ZMYND8: variants seen among roughly 807,000 people sequenced by gnomAD.
ZMYND8 encodes zinc finger MYND-type containing 8, also known as MYND-type zinc finger-containing chromatin reader ZMYND8.
A neutral mutation model predicts 140.8 loss-of-function variants in ZMYND8; 37 were observed. The ratio of observed to expected loss-of-function variants is 0.26; its 90% CI spans 0.20 to 0.35. The LOEUF is 0.35. Ranked by LOEUF, ZMYND8 falls within the 10% of genes least tolerant of loss-of-function variation. ZMYND8 has a pLI of 1.00. For missense variants in ZMYND8, 1,068 were observed against 1,570.0 expected (o/e 0.68, Z 5.40); for synonymous variants, 592 against 597.1 (o/e 0.99, Z 0.12).
At chr20:47,224,629 G>T in intron 18 of ZMYND8, 73 bp from the exon 19 acceptor site, 6 of 1,588,554 alleles carry the variant, frequency 3.8e-6, no homozygotes, top group African/African-American at 1.3e-5. Flanking sequence ...CCTGCCCCCA[G>T]ATTCAGGCAG....
chr20:47,214,154 C>T (rs1020762289), intron 21 of ZMYND8, among the ~76,000 whole-genome samples: 9 of 152,210 alleles, frequency 5.9e-5, no homozygotes, highest in African/African-American at 1.7e-4. Flanking sequence ...AGATATGTCA[C>T]GTGCGCTGTC....
intron 12 of ZMYND8, among the ~76,000 whole-genome samples, chr20:47,254,772 G>A (rs927974020): frequency 2.0e-5 from 3 of 152,154 alleles, no homozygotes; most frequent in African/African-American, 7.2e-5. Flanking sequence ...AGGATGTTCA[G>A]CAGCACCCTG....
chr20:47,234,702 TAAA>T (rs748680562), intron 16 of ZMYND8, among the ~76,000 whole-genome samples: 2 of 151,574 alleles, frequency 1.3e-5, no homozygotes, highest in Non-Finnish European at 1.5e-5. Context: ...ACAGAAGAAA[TAAA>T]AAGAAACATG....
At chr20:47,345,718 A>C (rs2082275888) in intron 2 of ZMYND8, among the ~76,000 whole-genome samples, 1 of 151,848 alleles carries the variant, frequency 6.6e-6, no homozygotes, top group South Asian at 2.1e-4. Context: ...CGTGTTGCCC[A>C]GGCTGGTCTC....
In ZMYND8 at chr20:47,239,116, G is replaced by C. The variant is rs760254796; in HGVS notation, c.2307C>G (p.Ser769=). The change falls in exon 15 of 23, where the codon TCC becomes TCG. Residue 769 remains serine (S), a synonymous_variant. Coordinates refer to ENST00000471951, the MANE Select transcript of ZMYND8 (RefSeq NM_001281775.3). ...KQDVVGKTPP[S]TTVGSHSPPE... ...GGGGAGAATGGCTGCCCACCGTCGTGGATGGTGGAGTTTTACCTACAACTA... is the reference window on the plus strand; with the variant it reads ...GGGGAGAATGGCTGCCCACCGTCGTCGATGGTGGAGTTTTACCTACAACTA... 1.3e-6 allele frequency: 2 copies of C among 1,503,272 alleles called. No homozygotes were observed. Among genetic ancestry groups the C allele is most frequent in the Admixed American group, 2.3e-5 (1 of 44,422 alleles). The allele number at this position is 1,503,272 out of a possible 1,614,324, so 93.1% of individuals were successfully genotyped here.
At chr20:47,257,897 A>C (rs570581768) in intron 12 of ZMYND8, among the ~76,000 whole-genome samples, 1 of 152,100 alleles carries the variant, frequency 6.6e-6, no homozygotes, top group South Asian at 2.1e-4. Flanking sequence ...TCACTCTCTC[A>C]CCCAGGCTGG....
chr20:47,232,896 TG>T (rs1219550856), intron 16 of ZMYND8, among the ~76,000 whole-genome samples: 20 of 63,114 alleles, frequency 3.2e-4, no homozygotes, highest in East Asian at 1.6e-3. Context: ...TGTTTTTTTT[TG>T]TTTTTTTTGT....
intron 2 of ZMYND8, chr20:47,318,948 T>C: frequency 7.4e-7 from 1 of 1,351,044 alleles, no homozygotes; most frequent in African/African-American, 1.5e-5. Flanking sequence ...AGGAGGCACT[T>C]ACCTGCCATT....
At chr20:47,338,999 G>C (rs1447928252) in intron 2 of ZMYND8, among the ~76,000 whole-genome samples, 1 of 147,836 alleles carries the variant, frequency 6.8e-6, no homozygotes, top group Non-Finnish European at 1.5e-5. Flanking sequence ...GTGAGACAGA[G>C]TCTCGCTCTG....
intron 2 of ZMYND8, among the ~76,000 whole-genome samples, chr20:47,317,481 A>C (rs1194396012): frequency 6.6e-6 from 1 of 151,896 alleles, no homozygotes; most frequent in African/African-American, 2.4e-5. Context: ...ACACCATTAC[A>C]GGGAATTGTC....
At chr20:47,292,338 T>C (rs1438396475) in intron 5 of ZMYND8, among the ~76,000 whole-genome samples, 1 of 152,136 alleles carries the variant, frequency 6.6e-6, no homozygotes, top group African/African-American at 2.4e-5. Context: ...TTTTTGTTAA[T>C]AGTCATTAGC....
intron 3 of ZMYND8, among the ~76,000 whole-genome samples, chr20:47,299,269 G>T (rs1237121516): frequency 7.9e-5 from 12 of 152,316 alleles, no homozygotes; most frequent in Non-Finnish European, 1.6e-4. Context: ...TTAACCAGGT[G>T]CATGACCTTG....
intron 2 of ZMYND8, among the ~76,000 whole-genome samples, chr20:47,328,833 C>A (rs1251292705): frequency 2.0e-5 from 3 of 152,208 alleles, no homozygotes; most frequent in Non-Finnish European, 2.9e-5. Flanking sequence ...AAATGCCAGT[C>A]CCTTGTTAGT....
At chr20:47,251,383 C>T (rs985102801) in intron 12 of ZMYND8, among the ~76,000 whole-genome samples, 1 of 151,838 alleles carries the variant, frequency 6.6e-6, no homozygotes, top group Non-Finnish European at 1.5e-5. Flanking sequence ...GCCAGGAGTT[C>T]GAGACCAGGC....
intron 3 of ZMYND8, among the ~76,000 whole-genome samples, chr20:47,309,816 T>C (rs984853599): frequency 6.6e-6 from 1 of 150,530 alleles, no homozygotes; most frequent in African/African-American, 2.4e-5. Context: ...CCCTAAAGAA[T>C]TATATACCCT....
chr20:47,325,914 G>A (rs954574984), intron 2 of ZMYND8, among the ~76,000 whole-genome samples: 8 of 151,852 alleles, frequency 5.3e-5, no homozygotes, highest in Non-Finnish European at 1.0e-4. Flanking sequence ...TGGGATTACA[G>A]GCACATGCCA....
chr20:47,226,704 A>G (rs1467236731), intron 18 of ZMYND8, among the ~76,000 whole-genome samples: 1 of 152,118 alleles, frequency 6.6e-6, no homozygotes, highest in African/African-American at 2.4e-5. Context: ...CTTTATCACA[A>G]CAGTTTGTGT....
chr20:47,314,845 TCTCAGGGC>T (rs1308260176), intron 2 of ZMYND8, among the ~76,000 whole-genome samples: 1 of 152,098 alleles, frequency 6.6e-6, no homozygotes, highest in Non-Finnish European at 1.5e-5. Flanking sequence ...AGTCTCCACC[TCTCAGGGC>T]CTCAGGGCCT....
chr20:47,281,022 A>T (rs1401701215), intron 10 of ZMYND8, among the ~76,000 whole-genome samples: 1 of 152,126 alleles, frequency 6.6e-6, no homozygotes, highest in East Asian at 1.9e-4. Context: ...CCCCGCTAGG[A>T]TGTCAGCCTT....
Sources: gnomAD v4.1 joint callset for allele counts (sites outside exome capture counted in the v4.1 genomes callset) on GRCh38, gnomAD v4.1.1 for gene constraint, MANE v1.5 for transcripts, NCBI Gene and HGNC (gene_info 2026-07-23, HGNC 2026-07-21) for gene names.